GPHN: variants seen among roughly 807,000 people sequenced by gnomAD.
The protein encoded by GPHN is gephyrin.
Under a neutral mutation model 95.5 loss-of-function variants are expected in GPHN, and 17 were observed. That is an observed-to-expected ratio of 0.18 (90% CI 0.12 to 0.27). The LOEUF is 0.27. Ranked by LOEUF, GPHN falls within the 10% of genes least tolerant of loss-of-function variation. GPHN has a pLI of 1.00. For missense variants in GPHN, 660 were observed against 978.1 expected, an observed-to-expected ratio of 0.67 and a Z score of 4.34; for synonymous variants, 320 against 322.5, an observed-to-expected ratio of 0.99 and a Z score of 0.08.
rs34315684 is a variant in GPHN at position 66,997,366 on chromosome 14, TAAAAA to T, written c.964-26250_964-26246del. ...TGGGCGATAGAGTGAGACTTCGTCT[TAAAAA>T]AAAAAAAAAAAAAAAAGGACTTCAG... On this transcript the variant is annotated intron_variant, in intron 9 of 22. Transcript: ENST00000478722. Among the ~76,000 whole-genome samples the T allele has an allele frequency of 6.3e-4, 78 of 123,970 alleles. 1 individual carries two copies. Among genetic ancestry groups the T allele is most frequent in the African/African-American group, 2.1e-3 (73 of 35,046 alleles). 81.3% of individuals were successfully genotyped at this position (123,970 alleles called of 152,430 possible).
the GPHN span, among the ~76,000 whole-genome samples, chr14:67,322,593 GT>G: frequency 6.6e-6 from 1 of 152,060 alleles, no homozygotes; most frequent in African/African-American, 2.4e-5. Flanking sequence ...TTTTGTTTGT[GT>G]TTTAGTGGAC....
intron 4 of GPHN, among the ~76,000 whole-genome samples, chr14:66,859,401 A>G (rs1168953163): frequency 3.9e-5 from 6 of 152,250 alleles, no homozygotes; most frequent in Non-Finnish European, 8.8e-5. Flanking sequence ...ACTTTAACCA[A>G]GACCACCAAA....
intron 5 of GPHN, among the ~76,000 whole-genome samples, chr14:66,883,994 T>A (rs1027851069): frequency 6.6e-6 from 1 of 152,094 alleles, no homozygotes; most frequent in African/African-American, 2.4e-5. Flanking sequence ...CCATTCCCAG[T>A]TACTCTGGCC....
chr14:67,280,837 T>TTCCTTCCTTCCC, the GPHN span, among the ~76,000 whole-genome samples: 81 of 133,522 alleles, frequency 6.1e-4, 2 homozygotes, highest in African/African-American at 2.4e-3. Flanking sequence ...CCTTCCTTCC[T>TTCCTTCCTTCCC]TCCTTCCTTC....
At chr14:66,516,604 T>C (rs1345283803) in intron 1 of GPHN, among the ~76,000 whole-genome samples, 1 of 152,228 alleles carries the variant, frequency 6.6e-6, no homozygotes, top group Non-Finnish European at 1.5e-5. Context: ...TTTATTTCTT[T>C]GTATAGTACT....
At chr14:66,677,557 A>G (rs1425959743) in intron 1 of GPHN, among the ~76,000 whole-genome samples, 2 of 151,942 alleles carry the variant, frequency 1.3e-5, no homozygotes, top group Non-Finnish European at 2.9e-5. Flanking sequence ...TAATCTTATT[A>G]ATTTTTGATT....
At chr14:67,592,614 G>T in the GPHN span, 7 of 1,464,148 alleles carry the variant, frequency 4.8e-6, no homozygotes, top group African/African-American at 8.3e-5. Context: ...TTGGAGAATG[G>T]TAAAAGTATT....
At chr14:67,034,958 A>T (rs2074350280) in intron 10 of GPHN, among the ~76,000 whole-genome samples, 1 of 152,090 alleles carries the variant, frequency 6.6e-6, no homozygotes, top group Admixed American at 6.6e-5. Context: ...ACAATAGTAA[A>T]ATACACATTC....
chr14:66,886,179 C>T (rs2064178477), intron 5 of GPHN, among the ~76,000 whole-genome samples: 1 of 151,950 alleles, frequency 6.6e-6, no homozygotes, highest in Non-Finnish European at 1.5e-5. Flanking sequence ...CTAAAATGAC[C>T]TATCAGTTTA....
the GPHN span, chr14:67,650,760 CCACCT>C: frequency 6.2e-7 from 1 of 1,614,112 alleles, no homozygotes; most frequent in South Asian, 1.1e-5. Flanking sequence ...CCTCAGTTGG[CCACCT>C]CAGAGGAAGA....
intron 1 of GPHN, among the ~76,000 whole-genome samples, chr14:66,671,791 C>G (rs1428483420): frequency 6.6e-6 from 1 of 152,060 alleles, no homozygotes; most frequent in East Asian, 1.9e-4. Context: ...CCTTTAATGT[C>G]TATGACATCT....
the GPHN span, chr14:67,580,001 G>GA: frequency 1.2e-6 from 1 of 854,160 alleles, no homozygotes; most frequent in Non-Finnish European, 1.8e-6. Flanking sequence ...CCAAGGTGCT[G>GA]CCCTAGTCAG....
chr14:66,825,305 C>A (rs2061349733), intron 4 of GPHN, among the ~76,000 whole-genome samples: 1 of 151,966 alleles, frequency 6.6e-6, no homozygotes, highest in South Asian at 2.1e-4. Flanking sequence ...AAAAGTGTTT[C>A]TTGGATCAGT....
intron 2 of GPHN, among the ~76,000 whole-genome samples, chr14:66,751,591 G>C (rs1195437394): frequency 6.6e-6 from 1 of 152,000 alleles, no homozygotes; most frequent in Non-Finnish European, 1.5e-5. Flanking sequence ...CTGGATACTA[G>C]ACTTTTGTCA....
the GPHN span, among the ~76,000 whole-genome samples, chr14:67,719,941 T>TATAA: frequency 6.6e-6 from 1 of 152,344 alleles, no homozygotes; most frequent in African/African-American, 2.4e-5. Context: ...ATGGTAACCT[T>TATAA]ATAAATACAT....
At chr14:67,144,882 T>C (rs1450235748) in intron 18 of GPHN, among the ~76,000 whole-genome samples, 2 of 152,180 alleles carry the variant, frequency 1.3e-5, no homozygotes, top group African/African-American at 4.8e-5. Context: ...AAATCTCACA[T>C]TACATCCAGG....
the GPHN span, chr14:67,359,676 T>C: frequency 1.9e-6 from 3 of 1,614,008 alleles, no homozygotes; most frequent in Admixed American, 1.7e-5. Flanking sequence ...GGGAAAGATT[T>C]CAATTCGGTC....
At chr14:66,639,020 C>T (rs1003127573) in intron 1 of GPHN, among the ~76,000 whole-genome samples, 2 of 151,952 alleles carry the variant, frequency 1.3e-5, no homozygotes, top group African/African-American at 4.8e-5. Context: ...CCTGGACCAT[C>T]TCATTTTGCT....
chr14:67,350,786 T>C, the GPHN span: 2 of 1,163,992 alleles, frequency 1.7e-6, no homozygotes, highest in Non-Finnish European at 1.2e-6. Flanking sequence ...CAGTATTTTA[T>C]GCTGGCTGTG....
Sources: allele counts gnomAD v4.1 joint callset (sites outside exome capture counted in the v4.1 genomes callset), GRCh38; gene constraint gnomAD v4.1.1; transcripts MANE v1.5; gene names NCBI Gene and HGNC (gene_info 2026-07-23, HGNC 2026-07-21).